Variants in RUNX2 observed in about 807,000 individuals in gnomAD.
The protein encoded by RUNX2 is runt-related transcription factor 2.
Under a neutral mutation model 51.7 loss-of-function variants are expected in RUNX2, and 10 were observed. The observed-to-expected ratio is 0.19, with a 90% CI of 0.12 to 0.33. The LOEUF (loss-of-function observed/expected upper bound fraction) is 0.33, where lower values mean the gene tolerates loss of function less well. Ranked by LOEUF, RUNX2 falls within the 10% of genes least tolerant of loss-of-function variation. The pLI, the probability that RUNX2 is intolerant of heterozygous loss-of-function variation, is 1.00. For missense variants in RUNX2, 562 were observed against 691.3 expected (o/e 0.81, Z 2.10); for synonymous variants, 276 against 273.6 (o/e 1.01, Z -0.09).
At chr6:45,458,765 A>G (rs1351126720) in intron 5 of RUNX2, among the ~76,000 whole-genome samples, 1 of 152,170 alleles carries the variant, frequency 6.6e-6, no homozygotes, top group Non-Finnish European at 1.5e-5. Context: ...GGCAGGAGGG[A>G]AAAAGTGGCT....
At chr6:45,346,572 T>TTTTC (rs1378562907) in intron 2 of RUNX2, among the ~76,000 whole-genome samples, 1 of 151,182 alleles carries the variant, frequency 6.6e-6, no homozygotes, top group Non-Finnish European at 1.5e-5. Flanking sequence ...CATTTCTTTT[T>TTTTC]TTTTTTTTTT....
intron 7 of RUNX2, among the ~76,000 whole-genome samples, chr6:45,513,856 C>A (rs991706981): frequency 6.6e-6 from 1 of 152,052 alleles, no homozygotes; most frequent in South Asian, 2.1e-4. Context: ...ATTAAAGGTA[C>A]GGGAAAGGAT....
At chr6:45,429,345 G>A (rs1798472878) in intron 3 of RUNX2, among the ~76,000 whole-genome samples, 1 of 152,206 alleles carries the variant, frequency 6.6e-6, no homozygotes, top group Non-Finnish European at 1.5e-5. Context: ...TATGCTGAGT[G>A]TACAAAATGT....
intron 2 of RUNX2, among the ~76,000 whole-genome samples, chr6:45,399,349 C>CTTTTTTT (rs398048486): frequency 0.012 from 661 of 57,390 alleles, 110 homozygotes; most frequent in Non-Finnish European, 0.02. Context: ...CTTTTCTTTC[C>CTTTTTTT]TTTTTTTTTT....
chr6:45,469,062 C>T (rs1435111934), intron 5 of RUNX2, among the ~76,000 whole-genome samples: 2 of 152,220 alleles, frequency 1.3e-5, no homozygotes, highest in African/African-American at 4.8e-5. Context: ...GAATGGCATA[C>T]ACCCCATTAA....
At chr6:45,377,767 C>G (rs1797035181) in intron 2 of RUNX2, 1 of 152,458 alleles carries the variant, frequency 6.6e-6, no homozygotes, top group Non-Finnish European at 1.5e-5. Context: ...AGCCCTACAA[C>G]CTCTGCTTTA....
chr6:45,373,245 C>T (rs1375985236), intron 2 of RUNX2, among the ~76,000 whole-genome samples: 1 of 152,036 alleles, frequency 6.6e-6, no homozygotes, highest in African/African-American at 2.4e-5. Flanking sequence ...GAGCCGGCCA[C>T]GATTTTCATG....
chr6:45,368,429 T>C (rs982245421), intron 2 of RUNX2, among the ~76,000 whole-genome samples: 1 of 152,142 alleles, frequency 6.6e-6, no homozygotes, highest in African/African-American at 2.4e-5. Context: ...TCAGAAAATA[T>C]TGCTATCAAA....
At chr6:45,380,827 G>A (rs7759853) in intron 2 of RUNX2, among the ~76,000 whole-genome samples, 9,535 of 152,118 alleles carry the variant, frequency 0.063, 795 homozygotes, top group African/African-American at 0.18. Flanking sequence ...TGCCTGCCTC[G>A]GCCTCCCAAA....
intron 2 of RUNX2, among the ~76,000 whole-genome samples, chr6:45,360,130 C>T (rs557942737): frequency 3.9e-5 from 6 of 152,178 alleles, no homozygotes. Flanking sequence ...ATAAGTGCAA[C>T]AGCACGGAAT....
chr6:45,372,762 A>C (rs1796260794), intron 2 of RUNX2, among the ~76,000 whole-genome samples: 2 of 152,010 alleles, frequency 1.3e-5, no homozygotes, highest in Non-Finnish European at 2.9e-5. Context: ...GGGCTCAAGC[A>C]ATCCTCCCAC....
chr6:45,503,667 G>C (rs1337444578), intron 6 of RUNX2, among the ~76,000 whole-genome samples: 1 of 152,168 alleles, frequency 6.6e-6, no homozygotes, highest in Non-Finnish European at 1.5e-5. Flanking sequence ...CCAAGGCTGA[G>C]AGGCCAGGAC....
At chr6:45,525,713 G>A (rs568335980) in intron 7 of RUNX2, among the ~76,000 whole-genome samples, 46 of 152,196 alleles carry the variant, frequency 3.0e-4, no homozygotes, top group African/African-American at 1.1e-3. Context: ...ACTAAATTCC[G>A]GCTGGGTGCG....
chr6:45,374,978 G>A (rs557727421), intron 2 of RUNX2, among the ~76,000 whole-genome samples: 2 of 152,202 alleles, frequency 1.3e-5, no homozygotes, highest in Admixed American at 6.6e-5. Flanking sequence ...AGGCTGAGGC[G>A]GGTGGAGCAC....
chr6:45,484,617 T>C (rs999287358), intron 5 of RUNX2, among the ~76,000 whole-genome samples: 1 of 152,226 alleles, frequency 6.6e-6, no homozygotes. Flanking sequence ...GTGGCTTTCC[T>C]AAGAATGTAC....
Position 45,328,704 on chromosome 6 carries a change from A to T in RUNX2, c.-23A>T. ...ATTTACAACAGAGGGTACAAGTTCTATCTGAAAAAAAAAGGAGGGACTATG... is the reference window on the plus strand; with the variant it reads ...ATTTACAACAGAGGGTACAAGTTCTTTCTGAAAAAAAAAGGAGGGACTATG... On this transcript the variant is annotated 5_prime_UTR_variant, in exon 2 of 9. Coordinates refer to ENST00000647337, the MANE Select transcript of RUNX2 (RefSeq NM_001024630.4). 6.2e-7 allele frequency: 1 copy of T among 1,611,966 alleles called. No homozygotes were observed. Among genetic ancestry groups the T allele is most frequent in the Middle Eastern group, 1.7e-4 (1 of 6,046 alleles).
chr6:45,425,722 A>T (rs1034690058), intron 3 of RUNX2, among the ~76,000 whole-genome samples: 3 of 152,230 alleles, frequency 2.0e-5, no homozygotes, highest in Admixed American at 2.0e-4. Flanking sequence ...TAGACTTTCT[A>T]TACTCTTACA....
chr6:45,420,009 G>T (rs1211024332), intron 2 of RUNX2, among the ~76,000 whole-genome samples: 1 of 152,142 alleles, frequency 6.6e-6, no homozygotes, highest in Non-Finnish European at 1.5e-5. Flanking sequence ...GGGAAAGACC[G>T]ACGAGGGAGG....
intron 5 of RUNX2, among the ~76,000 whole-genome samples, chr6:45,446,598 G>T (rs558085068): frequency 6.7e-6 from 1 of 149,638 alleles, no homozygotes; most frequent in Non-Finnish European, 1.5e-5. Flanking sequence ...TTTTGTTTGT[G>T]CCATGGCAAT....
Sources: gnomAD v4.1 joint callset for allele counts (sites outside exome capture counted in the v4.1 genomes callset) on GRCh38, gnomAD v4.1.1 for gene constraint, MANE v1.5 for transcripts, NCBI Gene and HGNC (gene_info 2026-07-23, HGNC 2026-07-21) for gene names.